IL1RAPL2: variants seen among roughly 807,000 people sequenced by gnomAD.
IL1RAPL2 encodes the protein interleukin 1 receptor accessory protein like 2.
In IL1RAPL2, 3 loss-of-function variants were observed where a neutral mutation model predicts 44.1. The observed-to-expected ratio is 0.07, with a 90% confidence interval of 0.03 to 0.18. The LOEUF (loss-of-function observed/expected upper bound fraction) is 0.18. Ranked by LOEUF, IL1RAPL2 falls within the 10% of genes least tolerant of loss-of-function variation. The probability of loss-of-function intolerance (pLI) is 1.00; values close to 1 mark genes in which losing one functional copy is unlikely to be tolerated. For missense variants in IL1RAPL2, 391 were observed against 496.4 expected (o/e 0.79, Z 2.02); for synonymous variants, 181 against 178.8 (o/e 1.01, Z -0.10).
At chrX:105,596,105 A>G (rs185820903) in intron 6 of IL1RAPL2, among the ~76,000 whole-genome samples, 1 of 109,692 alleles carries the variant, frequency 9.1e-6, no homozygotes, top group African/African-American at 3.3e-5. Context: ...ATTTGTTTGT[A>G]TTGTTTTTGT....
At chrX:104,698,429 C>T (rs1009356210) in intron 2 of IL1RAPL2, among the ~76,000 whole-genome samples, 2 of 111,901 alleles carry the variant, frequency 1.8e-5, no homozygotes, top group African/African-American at 6.5e-5. Context: ...TCCTCCTGTA[C>T]AGAGATGTAA....
intron 6 of IL1RAPL2, among the ~76,000 whole-genome samples, chrX:105,694,661 G>A (rs890872213): frequency 7.2e-5 from 8 of 110,616 alleles, no homozygotes; most frequent in African/African-American, 2.0e-4. Context: ...TCATATTAAT[G>A]GACATATGCC....
intron 5 of IL1RAPL2, among the ~76,000 whole-genome samples, chrX:105,283,041 A>G (rs2034543966): frequency 1.8e-5 from 2 of 111,661 alleles, no homozygotes; most frequent in African/African-American, 3.2e-5. Context: ...GGTGAAAGGT[A>G]AAAAGGACAT....
chrX:105,666,887 T>C (rs1475279187), intron 6 of IL1RAPL2, among the ~76,000 whole-genome samples: 10 of 111,896 alleles, frequency 8.9e-5, no homozygotes, highest in Non-Finnish European at 1.5e-4. Flanking sequence ...CCTCCCTGAC[T>C]GCACGTCCAT....
intron 2 of IL1RAPL2, among the ~76,000 whole-genome samples, chrX:104,913,086 A>G (rs1046158804): frequency 9.8e-5 from 11 of 112,059 alleles, no homozygotes; most frequent in African/African-American, 3.6e-4. Context: ...ATCTGAACAA[A>G]CAACACAGAG....
At chrX:105,022,283 G>A (rs2031295382) in intron 2 of IL1RAPL2, among the ~76,000 whole-genome samples, 1 of 111,042 alleles carries the variant, frequency 9.0e-6, no homozygotes, top group Admixed American at 9.6e-5. Flanking sequence ...ATGAGGGGAT[G>A]TAAGAAATGT....
In IL1RAPL2 at chrX:105,538,369, A is replaced by G. The variant is rs181215824; in HGVS notation, c.772+53982A>G. 1.0e-4 allele frequency among the ~76,000 whole-genome samples: 11 copies of G among 110,062 alleles called. No individual in the cohort carries two copies. In the East Asian group the frequency reaches 3.2e-3, roughly 32 times the overall value. ...CTTGTTTATTGGATCATTCCCATCA[A>G]CATTAACCTGCCTTAGTATTTTCCA... On this transcript the variant is annotated intron_variant, in intron 6 of 10. Transcript: ENST00000372582.
At chrX:104,697,235 A>G (rs754862946) in intron 2 of IL1RAPL2, among the ~76,000 whole-genome samples, 2 of 112,641 alleles carry the variant, frequency 1.8e-5, no homozygotes, top group Non-Finnish European at 3.7e-5. Flanking sequence ...CAACTGTGTA[A>G]AATGGTCTGA....
intron 2 of IL1RAPL2, among the ~76,000 whole-genome samples, chrX:105,170,676 A>G (rs2033415559): frequency 1.8e-5 from 2 of 111,942 alleles, no homozygotes; most frequent in African/African-American, 3.2e-5. Context: ...TAGTTCCAGC[A>G]CCCAAGTCCT....
chrX:105,665,844 G>A (rs1165927597), intron 6 of IL1RAPL2, among the ~76,000 whole-genome samples: 3 of 105,418 alleles, frequency 2.8e-5, no homozygotes, highest in Non-Finnish European at 5.8e-5. Context: ...CTCACTGCAA[G>A]CTCTGTCTCC....
intron 2 of IL1RAPL2, among the ~76,000 whole-genome samples, chrX:105,181,960 G>T (rs1184979633): frequency 4.6e-5 from 5 of 108,619 alleles, no homozygotes; most frequent in Non-Finnish European, 9.6e-5. Flanking sequence ...CCAGCTACTC[G>T]GGAGGCTGAG....
chrX:104,693,060 A>C (rs1164299801), intron 2 of IL1RAPL2, among the ~76,000 whole-genome samples: 6 of 112,068 alleles, frequency 5.4e-5, no homozygotes, highest in Non-Finnish European at 5.6e-5. Flanking sequence ...TTATATTTTT[A>C]ACAGTAGAAG....
chrX:104,948,070 G>C (rs1241622839), intron 2 of IL1RAPL2, among the ~76,000 whole-genome samples: 1 of 109,351 alleles, frequency 9.1e-6, no homozygotes, highest in Non-Finnish European at 1.9e-5. Flanking sequence ...TCTTCCATTT[G>C]TTTGTATCCT....
chrX:105,072,941 T>C (rs2032228478), intron 2 of IL1RAPL2, among the ~76,000 whole-genome samples: 1 of 111,084 alleles, frequency 9.0e-6, no homozygotes. Context: ...CTGAGAATGA[T>C]GGTTTCCAGC....
At chrX:105,499,787 C>T (rs1374018021) in intron 6 of IL1RAPL2, among the ~76,000 whole-genome samples, 6 of 111,652 alleles carry the variant, frequency 5.4e-5, no homozygotes, top group African/African-American at 1.6e-4. Context: ...AATCAGAAAG[C>T]TTGTGCACCA....
chrX:105,448,163 G>T (rs2035989041), intron 5 of IL1RAPL2, among the ~76,000 whole-genome samples: 1 of 107,144 alleles, frequency 9.3e-6, no homozygotes, highest in Non-Finnish European at 1.9e-5. Context: ...TTGTTTTTAG[G>T]ATCCTTTTAT....
At chrX:105,282,475 C>A (rs1220204907) in intron 5 of IL1RAPL2, among the ~76,000 whole-genome samples, 3 of 111,558 alleles carry the variant, frequency 2.7e-5, no homozygotes, top group Non-Finnish European at 5.6e-5. Context: ...CAACTGGCAA[C>A]CACCAGATGC....
chrX:104,683,585 G>A (rs756155058), intron 2 of IL1RAPL2, among the ~76,000 whole-genome samples: 5 of 112,417 alleles, frequency 4.4e-5, no homozygotes, highest in Non-Finnish European at 9.4e-5. Flanking sequence ...CATGGTGAGA[G>A]TGCATAATAG....
intron 2 of IL1RAPL2, among the ~76,000 whole-genome samples, chrX:104,928,501 T>G (rs769223928): frequency 1.8e-5 from 2 of 111,601 alleles, no homozygotes; most frequent in Non-Finnish European, 3.8e-5. Flanking sequence ...GTTGTTTCTC[T>G]GTCAGGTTGA....
Sources: allele counts gnomAD v4.1 joint callset (sites outside exome capture counted in the v4.1 genomes callset), GRCh38; gene constraint gnomAD v4.1.1; transcripts MANE v1.5; gene names NCBI Gene and HGNC (gene_info 2026-07-23, HGNC 2026-07-21).